Variants in PARVA observed in about 807,000 individuals in gnomAD.
The protein encoded by PARVA is parvin alpha, also known as alpha-parvin.
Under a neutral mutation model 52.6 loss-of-function variants are expected in PARVA, and 25 were observed. The observed-to-expected ratio is 0.48, with a 90% CI of 0.35 to 0.66. PARVA has a LOEUF of 0.66. PARVA is among the 30% of genes least tolerant of loss of function. The pLI is 0.01. For synonymous variants in PARVA, 185 were observed against 179.1 expected (o/e 1.03, Z -0.26); for missense variants, 373 against 450.9 (o/e 0.83, Z 1.56).
chr11:12,392,875 C>T (rs1320354790), intron 1 of PARVA, among the ~76,000 whole-genome samples: 6 of 152,016 alleles, frequency 3.9e-5, no homozygotes, highest in Non-Finnish European at 5.9e-5. Context: ...TTAACCCTGA[C>T]TGGGACACCA....
At chr11:12,449,963 A>T (rs1940601705) in intron 1 of PARVA, among the ~76,000 whole-genome samples, 1 of 152,224 alleles carries the variant, frequency 6.6e-6, no homozygotes, top group South Asian at 2.1e-4. Flanking sequence ...ACTAACATTG[A>T]TCAGATAGAT....
chr11:12,459,396 C>G (rs893494609), intron 1 of PARVA, among the ~76,000 whole-genome samples: 1 of 151,398 alleles, frequency 6.6e-6, no homozygotes, highest in South Asian at 2.1e-4. Context: ...CAGAGAGAGA[C>G]CCTGTCTCAA....
At position 12,466,447 on chromosome 11, in the gene PARVA, C is replaced by T. The variant is rs1290691123; in HGVS notation, c.137-7298C>T. Among the ~76,000 whole-genome samples the T allele has an allele frequency of 2.6e-5, 4 of 151,976 alleles. No individual in the cohort carries two copies. The East Asian group carries it at 5.8e-4, about 22-fold the overall frequency. ...TCAGCCTCCCAAGTAGCTGGGACTA[C>T]AGGCATGCGCCACCATGCCTGGCTA... On this transcript the variant is annotated intron_variant, in intron 1 of 12. Coordinates refer to ENST00000334956, the MANE Select transcript of PARVA (RefSeq NM_018222.5).
chr11:12,511,470 G>C (rs1214169068), intron 7 of PARVA, 44 bp from the exon 8 acceptor site: 1 of 1,601,508 alleles, frequency 6.2e-7, no homozygotes, highest in Non-Finnish European at 8.5e-7. Flanking sequence ...TCTTATAAGG[G>C]ACAAGAGAAG....
intron 1 of PARVA, among the ~76,000 whole-genome samples, chr11:12,472,261 A>G (rs1564855768): frequency 1.3e-5 from 2 of 152,218 alleles, no homozygotes; most frequent in South Asian, 4.1e-4. Flanking sequence ...ATGTTTTAAG[A>G]AAGTTTATGA....
chr11:12,378,772 A>G (rs952136002), intron 1 of PARVA, among the ~76,000 whole-genome samples: 6 of 152,160 alleles, frequency 3.9e-5, no homozygotes, highest in Admixed American at 6.5e-5. Flanking sequence ...CATGATGTAC[A>G]TAGTTCTGGG....
intron 1 of PARVA, among the ~76,000 whole-genome samples, chr11:12,399,666 G>T (rs1425817738): frequency 5.0e-5 from 6 of 121,202 alleles, no homozygotes; most frequent in Admixed American, 4.4e-4. Context: ...CAAGTTTCTT[G>T]TGTGTGTGTA....
chr11:12,447,444 C>G (rs182844251), intron 1 of PARVA, among the ~76,000 whole-genome samples: 35 of 152,270 alleles, frequency 2.3e-4, no homozygotes, highest in Admixed American at 1.5e-3. Context: ...GGGACCAGAG[C>G]GCCTTGCCGA....
chr11:12,529,677 T>G lies in PARVA; in HGVS notation c.*1752T>G, dbSNP rs561402052. 1 of 152,344 alleles carries G rather than the reference T, an allele frequency of 6.6e-6. No individual in the cohort carries two copies. The highest frequency in any genetic ancestry group is 2.1e-4 in the South Asian group (1 of 4,824). The allele number at this position is 152,344 out of a possible 1,614,324, so 9.4% of individuals were successfully genotyped here. On this transcript the variant is annotated 3_prime_UTR_variant, in exon 13 of 13. Coordinates refer to ENST00000334956, the MANE Select transcript of PARVA (RefSeq NM_018222.5). ...AATGTCCAAAACATTCCTTTCAGCC[T>G]TTTTATTTCTTACTGTACTGTCTCT...
intron 1 of PARVA, among the ~76,000 whole-genome samples, chr11:12,384,753 C>T (rs1444628741): frequency 6.6e-6 from 1 of 151,902 alleles, no homozygotes; most frequent in African/African-American, 2.4e-5. Context: ...TTATTGAGGA[C>T]CAAGAAGGAG....
chr11:12,503,330 G>A (rs1941386072), intron 5 of PARVA, among the ~76,000 whole-genome samples: 1 of 152,172 alleles, frequency 6.6e-6, no homozygotes, highest in Admixed American at 6.5e-5. Context: ...GTGCAGTCTT[G>A]AGACAAGGGT....
chr11:12,386,726 A>G lies in PARVA; in HGVS notation c.136+8943A>G, dbSNP rs1436954772. On this transcript the variant is annotated intron_variant, in intron 1 of 12. Transcript: ENST00000334956. ...CTTTTGGTGTTATTTGCCCATTTCT[A>G]ACATTAAAAGATTAGACTAAATAAC... Among the ~76,000 whole-genome samples the G allele has an allele frequency of 2.6e-5, 4 of 152,220 alleles. 1 individual carries two copies. Among genetic ancestry groups the G allele is most frequent in the Non-Finnish European group, 5.9e-5 (4 of 68,036 alleles).
intron 1 of PARVA, among the ~76,000 whole-genome samples, chr11:12,395,931 TAA>T (rs961353393): frequency 2.6e-5 from 4 of 152,252 alleles, no homozygotes; most frequent in Admixed American, 1.3e-4. Flanking sequence ...AGTTCACTTT[TAA>T]AACTCAGAAG....
chr11:12,496,404 G>T, intron 4 of PARVA, 54 bp from the exon 5 acceptor site: 2 of 1,567,408 alleles, frequency 1.3e-6, no homozygotes. Flanking sequence ...GCATGCAGTA[G>T]GGTTGTCTGG....
At position 12,423,715 on chromosome 11, in the gene PARVA, G is replaced by GGTGATTCCGACATCTATTGTC. The variant is rs1192932314; in HGVS notation, c.136+45940_136+45960dup. On this transcript the variant is annotated intron_variant, in intron 1 of 12. Transcript: ENST00000334956. Reference sequence around the variant, plus strand: ...GTTGTTCCACCAGCATTTATTAAATGGTGATTCCGACATCTATTGTCGTGA... The same window carrying GGTGATTCCGACATCTATTGTC: ...GTTGTTCCACCAGCATTTATTAAATGGTGATTCCGACATCTATTGTCGTGATTCCGACATCTATTGTCGTGA... Among the ~76,000 whole-genome samples, 10 of 152,056 alleles carry GGTGATTCCGACATCTATTGTC rather than the reference G, an allele frequency of 6.6e-5. No individual in the cohort carries two copies. In the East Asian group the frequency reaches 1.4e-3, roughly 21 times the overall value.
intron 1 of PARVA, among the ~76,000 whole-genome samples, chr11:12,421,966 G>A (rs1940157512): frequency 6.6e-6 from 1 of 152,210 alleles, no homozygotes; most frequent in Non-Finnish European, 1.5e-5. Context: ...TGGTGGCTAA[G>A]CCAGTTATTG....
At chr11:12,442,341 CT>C (rs1470511028) in intron 1 of PARVA, among the ~76,000 whole-genome samples, 1 of 152,156 alleles carries the variant, frequency 6.6e-6, no homozygotes, top group Non-Finnish European at 1.5e-5. Context: ...CATATGTAAG[CT>C]TTGGGAAGCA....
chr11:12,501,705 C>T (rs1477059462), intron 5 of PARVA, among the ~76,000 whole-genome samples: 2 of 152,162 alleles, frequency 1.3e-5, no homozygotes, highest in East Asian at 3.8e-4. Context: ...TACACAGTAA[C>T]ATCTTTGTAC....
Position 12,534,815 on chromosome 11 carries a change from A to G in PARVA, c.*6890A>G, listed in dbSNP as rs947812688. ...CCTTACCGCCTGCCTGGAGAAACAC[A>G]GTGCCTGCCCTTGGCAAATATATGT... is the stretch of plus-strand genomic sequence containing the variant. On this transcript the variant is annotated 3_prime_UTR_variant, in exon 13 of 13. Coordinates refer to ENST00000334956, the MANE Select transcript of PARVA (RefSeq NM_018222.5). 6.6e-6 allele frequency among the ~76,000 whole-genome samples: 1 copy of G among 152,234 alleles called. No individual in the cohort carries two copies. The highest frequency in any genetic ancestry group is 2.4e-5 in the African/African-American group (1 of 41,464).
Sources: gnomAD v4.1 joint callset for allele counts (sites outside exome capture counted in the v4.1 genomes callset) on GRCh38, gnomAD v4.1.1 for gene constraint, MANE v1.5 for transcripts, NCBI Gene and HGNC (gene_info 2026-07-23, HGNC 2026-07-21) for gene names.